Variants in RGS6 observed in about 807,000 individuals in gnomAD.
RGS6 encodes the protein regulator of G protein signaling 6, also known as regulator of G-protein signaling 6.
A neutral mutation model predicts 78.5 loss-of-function variants in RGS6; 30 were observed. The ratio of observed to expected loss-of-function variants is 0.38; its 90% CI spans 0.29 to 0.52. The LOEUF is 0.52. Ranked by LOEUF, RGS6 falls within the 20% of genes least tolerant of loss-of-function variation. RGS6 has a pLI of 0.85. For missense variants in RGS6, 495 were observed against 609.7 expected (o/e 0.81, Z 1.98); for synonymous variants, 206 against 206.0 (o/e 1.00, Z 0.00).
At chr14:71,900,740 G>A in the RGS6 span, among the ~76,000 whole-genome samples, 2 of 152,058 alleles carry the variant, frequency 1.3e-5, no homozygotes, top group Non-Finnish European at 1.5e-5. Flanking sequence ...TGCTATAAAG[G>A]AATACCTGAG....
chr14:72,173,535 A>G (rs977978826), intron 2 of RGS6, among the ~76,000 whole-genome samples: 5 of 152,186 alleles, frequency 3.3e-5, no homozygotes, highest in African/African-American at 1.2e-4. Context: ...ATTCACCAAT[A>G]AAATGCGCGT....
At chr14:72,413,669 C>T (rs946900780) in intron 3 of RGS6, among the ~76,000 whole-genome samples, 2 of 152,272 alleles carry the variant, frequency 1.3e-5, no homozygotes, top group Admixed American at 6.5e-5. Context: ...CCTTGATGGT[C>T]TTTACAATTT....
intron 3 of RGS6, among the ~76,000 whole-genome samples, chr14:72,395,779 G>A (rs1156984967): frequency 4.0e-5 from 6 of 151,894 alleles, no homozygotes; most frequent in Non-Finnish European, 8.8e-5. Flanking sequence ...GAGAACATGT[G>A]GTGTTTGGTT....
chr14:72,545,871 A>AGCT (rs1480141018), intron 17 of RGS6, among the ~76,000 whole-genome samples: 2 of 151,890 alleles, frequency 1.3e-5, no homozygotes, highest in Non-Finnish European at 2.9e-5. Context: ...TCAGCTTGCC[A>AGCT]GTTCTGCAGT....
At chr14:72,429,851 G>T (rs771986303) in intron 3 of RGS6, among the ~76,000 whole-genome samples, 1 of 152,060 alleles carries the variant, frequency 6.6e-6, no homozygotes, top group African/African-American at 2.4e-5. Context: ...TCATGGGAGC[G>T]GTTTCCTCCA....
chr14:72,284,288 G>A (rs535171578), intron 2 of RGS6, among the ~76,000 whole-genome samples: 1 of 152,300 alleles, frequency 6.6e-6, no homozygotes, highest in African/African-American at 2.4e-5. Context: ...AGGCAATGGG[G>A]AAAATGTCTC....
At chr14:72,567,927 A>C (rs1336758377), downstream of RGS6, among the ~76,000 whole-genome samples, 2 of 152,150 alleles carry the variant, frequency 1.3e-5, no homozygotes, top group Non-Finnish European at 2.9e-5. Context: ...CAGCGCCCAC[A>C]ATGGGGGTTA....
chr14:72,006,538 A>G (rs924074409), intron 2 of RGS6, among the ~76,000 whole-genome samples: 1 of 152,226 alleles, frequency 6.6e-6, no homozygotes, highest in African/African-American at 2.4e-5. Context: ...GCTAATAAAA[A>G]ATGGAAGCTG....
intron 2 of RGS6, among the ~76,000 whole-genome samples, chr14:72,279,137 C>T (rs2061181611): frequency 6.6e-6 from 1 of 151,928 alleles, no homozygotes; most frequent in Admixed American, 6.6e-5. Flanking sequence ...ACATGAATTG[C>T]AGTCCATGAC....
chr14:72,390,177 A>C (rs1040684276), intron 3 of RGS6, among the ~76,000 whole-genome samples: 4 of 149,170 alleles, frequency 2.7e-5, no homozygotes, highest in Non-Finnish European at 5.9e-5. Flanking sequence ...AGCTCACTGC[A>C]ACCTCCGCTT....
At chr14:72,010,591 T>C (rs941433975) in intron 2 of RGS6, among the ~76,000 whole-genome samples, 1 of 152,158 alleles carries the variant, frequency 6.6e-6, no homozygotes, top group African/African-American at 2.4e-5. Flanking sequence ...AAATAAAAAT[T>C]ACAGGGGGCC....
intron 4 of RGS6, among the ~76,000 whole-genome samples, chr14:72,456,205 G>A (rs1235960008): frequency 6.6e-6 from 1 of 152,180 alleles, no homozygotes; most frequent in Non-Finnish European, 1.5e-5. Context: ...TAAGGGGGGA[G>A]ATGAGGCAAA....
intron 2 of RGS6, among the ~76,000 whole-genome samples, chr14:72,269,633 C>T (rs1429155543): frequency 2.9e-5 from 4 of 136,606 alleles, no homozygotes; most frequent in Admixed American, 2.4e-4. Context: ...GGCACAGTCT[C>T]GGCTCACTGC....
chr14:72,420,959 T>G (rs938402849), intron 3 of RGS6: 4 of 152,200 alleles, frequency 2.6e-5, no homozygotes, highest in African/African-American at 9.6e-5. Flanking sequence ...TAATGTGAAC[T>G]GCACCCCAGG....
Position 72,277,150 on chromosome 14 carries a change from T to C in RGS6, c.85-74945T>C, listed in dbSNP as rs184527503. Among the ~76,000 whole-genome samples, 35 of 152,322 alleles carry C rather than the reference T, an allele frequency of 2.3e-4. 1 individual carries two copies. The East Asian group carries it at 6.8e-3, about 29-fold the overall frequency. On this transcript the variant is annotated intron_variant, in intron 2 of 17. Coordinates refer to ENST00000553525, the MANE Select transcript of RGS6 (RefSeq NM_001204424.2). The stretch of plus-strand genomic sequence containing the variant: ...GCAAGTGGTGGCAAGCTGGAAGGTT[T>C]GTGAGCAGTGCTGGAGCTGGGCTCT...
chr14:72,548,354 T>TGTGTGTGTGCGCGCGCGC (rs1555467868), intron 17 of RGS6, among the ~76,000 whole-genome samples: 24 of 133,884 alleles, frequency 1.8e-4, no homozygotes, highest in African/African-American at 7.4e-4. Context: ...CGCGCGTGTG[T>TGTGTGTGTGCGCGCGCGC]GTGTGTGTGT....
chr14:71,982,413 T>G (rs1595639462), intron 2 of RGS6, among the ~76,000 whole-genome samples: 1 of 152,346 alleles, frequency 6.6e-6, no homozygotes, highest in Middle Eastern at 3.4e-3. Flanking sequence ...TGAGAGAACT[T>G]AACTATTTTT....
rs577600902 is a variant in RGS6 at position 72,302,689 on chromosome 14, C to T, written c.85-49406C>T. ...CAACACACACATACACATACACACACACACACACACACACACGGACACATA... is the reference window on the plus strand; with the variant it reads ...CAACACACACATACACATACACACATACACACACACACACACGGACACATA... On this transcript the variant is annotated intron_variant, in intron 2 of 17. Coordinates refer to ENST00000553525, the MANE Select transcript of RGS6 (RefSeq NM_001204424.2). Among the ~76,000 whole-genome samples the T allele has an allele frequency of 9.9e-5, 15 of 152,138 alleles. No homozygotes were observed. In the South Asian group the frequency reaches 2.3e-3, roughly 23 times the overall value.
chr14:72,226,024 C>T (rs1348197968), intron 2 of RGS6, among the ~76,000 whole-genome samples: 1 of 152,140 alleles, frequency 6.6e-6, no homozygotes, highest in Non-Finnish European at 1.5e-5. Flanking sequence ...TTTGTAGCAT[C>T]CAGTTTTCTT....
Sources: allele counts gnomAD v4.1 joint callset (sites outside exome capture counted in the v4.1 genomes callset), GRCh38; gene constraint gnomAD v4.1.1; transcripts MANE v1.5; gene names NCBI Gene and HGNC (gene_info 2026-07-23, HGNC 2026-07-21).